PPP2R5C: variants seen among roughly 807,000 people sequenced by gnomAD.
PPP2R5C encodes protein phosphatase 2 regulatory subunit B'gamma.
PPP2R5C carries 7 observed loss-of-function variants against 68.9 expected under a neutral mutation model. That is an observed-to-expected ratio of 0.10 (90% CI 0.06 to 0.19). PPP2R5C has a LOEUF of 0.19. Among genes scored for constraint, PPP2R5C ranks in the 10% least tolerant of loss-of-function variants. PPP2R5C has a pLI of 1.00. For missense variants in PPP2R5C, 348 were observed against 641.3 expected (o/e 0.54, Z 4.94); for synonymous variants, 210 against 222.2 (o/e 0.95, Z 0.49).
intron 1 of PPP2R5C, among the ~76,000 whole-genome samples, chr14:101,843,051 C>T (rs1219239478): frequency 1.3e-5 from 2 of 151,994 alleles, no homozygotes; most frequent in Admixed American, 1.3e-4. Flanking sequence ...CACAGCAAGA[C>T]TCTGTCTTCT....
At position 101,776,029 on chromosome 14, in the gene PPP2R5C, C is replaced by T. The variant is rs539382054; in HGVS notation, c.94-9989C>T. On this transcript the variant is annotated intron_variant, in intron 2 of 14. Coordinates refer to the PPP2R5C transcript ENST00000328724. ...AATAGCATTTCAGATTGTGCCCCCC[C>T]CCCACTCCACCCCCGCCTTCCTCCT... 8.7e-5 allele frequency among the ~76,000 whole-genome samples: 13 copies of T among 149,318 alleles called. No individual in the cohort carries two copies. The East Asian group carries it at 2.2e-3, about 25-fold the overall frequency.
chr14:101,825,782 T>G lies in PPP2R5C; in HGVS notation c.94+15746T>G, dbSNP rs949318037. On this transcript the variant is annotated intron_variant, in intron 1 of 13. Coordinates refer to ENST00000334743, the Ensembl canonical transcript of PPP2R5C. This position sits in a 1 kb window ranked among gnomAD's most constrained non-coding sequence, Gnocchi z 4.0. Reference sequence around the variant, plus strand: ...AAAACCAAAATGTTCAGTGTCATCTTCAGCAGAGGGGATTATCAGAAACTT... The same window carrying G: ...AAAACCAAAATGTTCAGTGTCATCTGCAGCAGAGGGGATTATCAGAAACTT... Among the ~76,000 whole-genome samples the G allele has an allele frequency of 3.9e-5, 6 of 152,230 alleles. No homozygotes were observed. Among genetic ancestry groups the G allele is most frequent in the African/African-American group, 1.4e-4 (6 of 41,452 alleles).
chr14:101,897,402 A>ATTT (rs56037155), intron 8 of PPP2R5C, among the ~76,000 whole-genome samples: 35 of 141,480 alleles, frequency 2.5e-4, no homozygotes, highest in African/African-American at 8.8e-4. Flanking sequence ...GAGAGGTTGT[A>ATTT]TTTTTTTTTT....
Position 101,835,802 on chromosome 14 carries a change from G to A in PPP2R5C, c.95-20884G>A, listed in dbSNP as rs551599086. 2.6e-5 allele frequency among the ~76,000 whole-genome samples: 4 copies of A among 152,288 alleles called. No homozygotes were observed. The East Asian group carries it at 5.8e-4, about 22-fold the overall frequency. The stretch of plus-strand genomic sequence containing the variant: ...GCCCTTGCAGATCACCAGGTGCTCC[G>A]AGCTGCCCTGCCTGGGCTCAGGCAT... On this transcript the variant is annotated intron_variant, in intron 1 of 13. Coordinates refer to ENST00000334743, the Ensembl canonical transcript of PPP2R5C. This position sits in a 1 kb window ranked among gnomAD's most constrained non-coding sequence, Gnocchi z 5.0.
chr14:101,917,567 C>T lies in PPP2R5C; in HGVS notation c.1327-264C>T, dbSNP rs2046750337. ...ACTGCAGAGGCCATGGGGTGTGGGC[C>T]AGGGTATGGGCGGGCCACTGTCCAT... is the stretch of plus-strand genomic sequence containing the variant. On this transcript the variant is annotated intron_variant, in intron 12 of 13. Coordinates refer to ENST00000334743, the Ensembl canonical transcript of PPP2R5C. The surrounding 1 kb of genome is among the most constrained non-coding windows in gnomAD (Gnocchi z 4.4). 6.8e-6 allele frequency among the ~76,000 whole-genome samples: 1 copy of T among 147,332 alleles called. No individual in the cohort carries two copies. The highest frequency in any genetic ancestry group is 1.5e-5 in the Non-Finnish European group (1 of 67,564).
chr14:101,824,398 A>T (rs777319389), intron 1 of PPP2R5C: 5 of 224,764 alleles, frequency 2.2e-5, no homozygotes, highest in African/African-American at 4.5e-5. Context: ...AATTGAAGTG[A>T]TGTTTACAAT....
chr14:101,868,457 C>CA (rs1358399834), intron 2 of PPP2R5C, among the ~76,000 whole-genome samples: 2 of 152,132 alleles, frequency 1.3e-5, no homozygotes. Flanking sequence ...TCTCTACCTC[C>CA]AATCAGCCAA....
intron 2 of PPP2R5C, among the ~76,000 whole-genome samples, chr14:101,870,274 C>A (rs543225393): frequency 6.6e-6 from 1 of 152,144 alleles, no homozygotes; most frequent in Admixed American, 6.5e-5. Flanking sequence ...TCTAAGAAGT[C>A]TGCCAAACCT....
In PPP2R5C at chr14:101,835,760, C is replaced by T. The variant is rs1197382431; in HGVS notation, c.95-20926C>T. Among the ~76,000 whole-genome samples the T allele has an allele frequency of 6.6e-6, 1 of 152,256 alleles. No homozygotes were observed. Among genetic ancestry groups the T allele is most frequent in the Non-Finnish European group, 1.5e-5 (1 of 68,046 alleles). Reference sequence around the variant, plus strand: ...ACCACGCCGCCTGCACAGCCGTCCCCTCACGGGGTGCCTCTTGCCCTTGCA... The same window carrying T: ...ACCACGCCGCCTGCACAGCCGTCCCTTCACGGGGTGCCTCTTGCCCTTGCA... On this transcript the variant is annotated intron_variant, in intron 1 of 13. Transcript: ENST00000334743. This position sits in a 1 kb window ranked among gnomAD's most constrained non-coding sequence, Gnocchi z 5.0.
rs1038343644 is a variant in PPP2R5C at position 101,917,508 on chromosome 14, C to T, written c.1327-323C>T. Among the ~76,000 whole-genome samples the T allele has an allele frequency of 6.6e-6, 1 of 151,998 alleles. No homozygotes were observed. Among genetic ancestry groups the T allele is most frequent in the Non-Finnish European group, 1.5e-5 (1 of 67,982 alleles). ...AGCTCCCACCACCGAGCCCAGGGTG[C>T]GACCTCGCACTTGGCTGCTCACGTG... On this transcript the variant is annotated intron_variant, in intron 12 of 13. Transcript: ENST00000334743. The surrounding 1 kb of genome is among the most constrained non-coding windows in gnomAD (Gnocchi z 4.4).
chr14:101,884,315 G>C (rs770931793), intron 5 of PPP2R5C, among the ~76,000 whole-genome samples: 1 of 152,292 alleles, frequency 6.6e-6, no homozygotes, highest in South Asian at 2.1e-4. Context: ...CCAGTCCACT[G>C]ACTCAAATGT....
At chr14:101,926,521 A>G (rs910499338) in exon 14 of PPP2R5C, 6 of 152,590 alleles carry the variant, frequency 3.9e-5, no homozygotes, top group Non-Finnish European at 8.8e-5. Flanking sequence ...TGCTTTGTCT[A>G]TTCTTTATTT....
intron 1 of PPP2R5C, chr14:101,844,169 C>G (rs1420518800): frequency 1.4e-5 from 2 of 138,844 alleles, no homozygotes; most frequent in Non-Finnish European, 3.0e-5. Context: ...GAGTTGATGG[C>G]CAGGTGAGGT....
rs2040359633 is a variant in PPP2R5C, at chr14:101,825,708, G to C, written c.94+15672G>C. Reference sequence around the variant, plus strand: ...GATATTCTCACTGTGTAGTTAGCCTGTTCAGTTTTTGTAGGTGAATGGTAA... The same window carrying C: ...GATATTCTCACTGTGTAGTTAGCCTCTTCAGTTTTTGTAGGTGAATGGTAA... On this transcript the variant is annotated intron_variant, in intron 1 of 13. Coordinates refer to ENST00000334743, the Ensembl canonical transcript of PPP2R5C. The surrounding 1 kb of genome is among the most constrained non-coding windows in gnomAD (Gnocchi z 4.0). Among the ~76,000 whole-genome samples, 1 of 152,324 alleles carries C rather than the reference G, an allele frequency of 6.6e-6. No individual in the cohort carries two copies. The highest frequency in any genetic ancestry group is 2.1e-4 in the South Asian group (1 of 4,828).
chr14:101,889,731 G>A (rs2044739096), intron 5 of PPP2R5C: 1 of 313,420 alleles, frequency 3.2e-6, no homozygotes, highest in African/African-American at 2.2e-5. Flanking sequence ...GGGGAACTGG[G>A]CAGGTAGAAT....
At chr14:101,898,736 A>G (rs886067930) in intron 8 of PPP2R5C, among the ~76,000 whole-genome samples, 7 of 152,240 alleles carry the variant, frequency 4.6e-5, no homozygotes, top group African/African-American at 1.7e-4. Flanking sequence ...CAGATAATGT[A>G]ATAGTACCGT....
Position 101,831,476 on chromosome 14 carries a change from T to C in PPP2R5C, c.94+21440T>C, listed in dbSNP as rs1436029460. ...TTTTTTTACGCTACTAATGGGCCAG[T>C]GGGCATAGCATCTTTTTAAGCTTCC... On this transcript the variant is annotated intron_variant, in intron 1 of 13. Coordinates refer to ENST00000334743, the Ensembl canonical transcript of PPP2R5C. Among the ~76,000 whole-genome samples, 6 of 152,228 alleles carry C rather than the reference T, an allele frequency of 3.9e-5. No individual in the cohort carries two copies. The South Asian group carries it at 1.0e-3, about 26-fold the overall frequency.
At chr14:101,801,396 CTG>C (rs1235759832) in intron 3 of PPP2R5C, among the ~76,000 whole-genome samples, 3 of 152,146 alleles carry the variant, frequency 2.0e-5, no homozygotes, top group Non-Finnish European at 4.4e-5. Context: ...AATGATGACA[CTG>C]TGGATATTTG....
At chr14:101,876,773 G>T (rs372369889) in intron 2 of PPP2R5C, among the ~76,000 whole-genome samples, 1 of 152,154 alleles carries the variant, frequency 6.6e-6, no homozygotes, top group Non-Finnish European at 1.5e-5. Flanking sequence ...GCACTCACGT[G>T]CGTGCCATTA....
Sources: gnomAD v4.1 joint callset for allele counts (sites outside exome capture counted in the v4.1 genomes callset) on GRCh38, gnomAD v4.1.1 for gene constraint, Gnocchi (gnomAD v3.1) non-coding constraint, MANE v1.5 for transcripts, NCBI Gene and HGNC (gene_info 2026-07-23, HGNC 2026-07-21) for gene names.